Variants in CNTNAP4 observed in about 807,000 individuals in gnomAD.
CNTNAP4 encodes the protein contactin associated protein family member 4, also known as contactin-associated protein-like 4.
Under a neutral mutation model 148.4 loss-of-function variants are expected in CNTNAP4, and 98 were observed. That is an observed-to-expected ratio of 0.66 (90% CI 0.56 to 0.78). The LOEUF (loss-of-function observed/expected upper bound fraction) is 0.78. CNTNAP4 is among the 30% of genes least tolerant of loss of function. The probability of loss-of-function intolerance (pLI) is 0.00; values close to 1 mark genes in which losing one functional copy is unlikely to be tolerated. For missense variants in CNTNAP4, 1,935 were observed against 1,565.6 expected (o/e 1.24, Z -3.98); for synonymous variants, 730 against 565.1 (o/e 1.29, Z -4.14).
intron 4 of CNTNAP4, among the ~76,000 whole-genome samples, chr16:76,440,037 CTGTT>C (rs72311894): frequency 0.64 from 96,607 of 151,430 alleles, 32,186 homozygotes; most frequent in African/African-American, 0.84. Context: ...AATTGGACCT[CTGTT>C]TGTTTAGTAA....
chr16:76,394,851 A>G (rs2078141078), intron 3 of CNTNAP4, among the ~76,000 whole-genome samples: 1 of 152,118 alleles, frequency 6.6e-6, no homozygotes, highest in Non-Finnish European at 1.5e-5. Context: ...AAAAGTGCTC[A>G]AGTTGAAATC....
intron 3 of CNTNAP4, among the ~76,000 whole-genome samples, chr16:76,369,488 T>A (rs1471136651): frequency 6.6e-6 from 1 of 152,146 alleles, no homozygotes; most frequent in Non-Finnish European, 1.5e-5. Context: ...AGTCTAAGTC[T>A]GAAGACCCAA....
chr16:76,322,179 C>T (rs188314932), intron 2 of CNTNAP4, among the ~76,000 whole-genome samples: 6 of 152,326 alleles, frequency 3.9e-5, no homozygotes, highest in Non-Finnish European at 5.9e-5. Context: ...GCAAGAGTCC[C>T]CTGCCTTCCT....
chr16:76,379,604 TATCATTA>T (rs1309917339), intron 3 of CNTNAP4, among the ~76,000 whole-genome samples: 3 of 152,210 alleles, frequency 2.0e-5, no homozygotes, highest in Non-Finnish European at 4.4e-5. Context: ...AATGCCATTT[TATCATTA>T]ATCTGAGAAG....
intron 13 of CNTNAP4, among the ~76,000 whole-genome samples, chr16:76,491,320 G>A (rs1234517408): frequency 2.0e-5 from 3 of 152,198 alleles, no homozygotes; most frequent in Non-Finnish European, 4.4e-5. Flanking sequence ...AGGTGTGGGT[G>A]TGTTTCTCAT....
intron 10 of CNTNAP4, among the ~76,000 whole-genome samples, chr16:76,474,972 C>T (rs1338551742): frequency 5.9e-5 from 9 of 152,128 alleles, no homozygotes; most frequent in East Asian, 5.8e-4. Flanking sequence ...CTGTTGAACA[C>T]GGCACCGTTT....
Position 76,318,766 on chromosome 16 carries a change from AATAATC to A in CNTNAP4, c.196+2255_196+2260del, listed in dbSNP as rs58463266. The stretch of plus-strand genomic sequence containing the variant: ...TAATAATCATAATAATATTCATAAT[AATAATC>A]ATAATCATAATAATTAATAATTATG... On this transcript the variant is annotated intron_variant, in intron 2 of 23. Coordinates refer to ENST00000611870, the MANE Select transcript of CNTNAP4 (RefSeq NM_033401.5). 4.9e-3 allele frequency among the ~76,000 whole-genome samples: 683 copies of A among 139,298 alleles called. 4 individuals are homozygous for A. Among genetic ancestry groups the A allele is most frequent in the African/African-American group, 0.018 (636 of 35,214 alleles). The allele number at this position is 139,298 out of a possible 152,430, so 91.4% of individuals were successfully genotyped here. A position where few individuals can be genotyped will look rare whatever the true frequency, so the allele number is the denominator to read the frequency against.
At chr16:76,378,599 G>C (rs952263756) in intron 3 of CNTNAP4, among the ~76,000 whole-genome samples, 1 of 152,220 alleles carries the variant, frequency 6.6e-6, no homozygotes, top group African/African-American at 2.4e-5. Flanking sequence ...TTTCTGAGTA[G>C]ACCTTGGTGT....
At chr16:76,435,185 G>T (rs2079773577) in intron 4 of CNTNAP4, among the ~76,000 whole-genome samples, 1 of 152,142 alleles carries the variant, frequency 6.6e-6, no homozygotes, top group African/African-American at 2.4e-5. Context: ...CTCAAGTCTG[G>T]AAGTTGACTG....
chr16:76,413,207 T>C (rs1258802425), intron 3 of CNTNAP4, among the ~76,000 whole-genome samples: 1 of 151,358 alleles, frequency 6.6e-6, no homozygotes, highest in Non-Finnish European at 1.5e-5. Context: ...AGTCATTCTT[T>C]CTGTTTGTTT....
intron 3 of CNTNAP4, among the ~76,000 whole-genome samples, chr16:76,362,605 A>G (rs28872861): frequency 0.05 from 7,623 of 152,276 alleles, 655 homozygotes; most frequent in African/African-American, 0.17. Context: ...AAACCCATAC[A>G]TCTATGGTCT....
chr16:76,291,536 T>C (rs998168903), intron 1 of CNTNAP4, among the ~76,000 whole-genome samples: 1 of 152,178 alleles, frequency 6.6e-6, no homozygotes, highest in Non-Finnish European at 1.5e-5. Flanking sequence ...TTCTGTATGT[T>C]ACCCAGCTCC....
chr16:76,355,077 C>G (rs984360984), intron 2 of CNTNAP4, among the ~76,000 whole-genome samples: 3 of 152,074 alleles, frequency 2.0e-5, no homozygotes, highest in African/African-American at 7.2e-5. Flanking sequence ...CAGCAAGACC[C>G]CTAGTTCTCC....
chr16:76,500,441 C>G (rs1453683823), intron 15 of CNTNAP4, among the ~76,000 whole-genome samples: 1 of 152,216 alleles, frequency 6.6e-6, no homozygotes, highest in Non-Finnish European at 1.5e-5. Flanking sequence ...TCCAGCATTC[C>G]TGAATTTCTA....
intron 4 of CNTNAP4, among the ~76,000 whole-genome samples, chr16:76,439,005 G>GTCGT (rs2079938863): frequency 6.6e-6 from 1 of 151,846 alleles, no homozygotes. Context: ...TAGACCAATT[G>GTCGT]TAATTGTACA....
At chr16:76,430,807 T>A (rs376853309) in intron 4 of CNTNAP4, among the ~76,000 whole-genome samples, 1 of 152,100 alleles carries the variant, frequency 6.6e-6, no homozygotes, top group African/African-American at 2.4e-5. Flanking sequence ...TAAGAGAAAT[T>A]GGTAACTTCT....
intron 3 of CNTNAP4, 88 bp from the exon 4 acceptor site, chr16:76,427,364 T>C (rs979402272): frequency 5.5e-6 from 6 of 1,100,004 alleles, no homozygotes; most frequent in African/African-American, 1.6e-5. Flanking sequence ...AAAATGCAGA[T>C]CACACATTGC....
At chr16:76,317,278 CAAA>C (rs11355823) in intron 2 of CNTNAP4, among the ~76,000 whole-genome samples, 65 of 117,864 alleles carry the variant, frequency 5.5e-4, no homozygotes, top group South Asian at 3.5e-3. Flanking sequence ...AAAAAAAAAC[CAAA>C]AAAAAAAAAA....
In CNTNAP4 at chr16:76,535,284, A is replaced by G. The variant is rs72799056; in HGVS notation, c.2756-261A>G. Reference sequence around the variant, plus strand: ...CTGTTATTTTCAATGAGAGTAGTGTATGACCTCTATTTTATTCCTCAATTT... The same window carrying G: ...CTGTTATTTTCAATGAGAGTAGTGTGTGACCTCTATTTTATTCCTCAATTT... On this transcript the variant is annotated intron_variant, in intron 17 of 23. Coordinates refer to ENST00000611870, the MANE Select transcript of CNTNAP4 (RefSeq NM_033401.5). Among the ~76,000 whole-genome samples the G allele has an allele frequency of 4.7e-3, 711 of 152,286 alleles. 4 individuals are homozygous for G. Among genetic ancestry groups the G allele is most frequent in the African/African-American group, 0.017 (691 of 41,558 alleles).
Sources: allele counts gnomAD v4.1 joint callset (sites outside exome capture counted in the v4.1 genomes callset), GRCh38; gene constraint gnomAD v4.1.1; transcripts MANE v1.5; gene names NCBI Gene and HGNC (gene_info 2026-07-23, HGNC 2026-07-21).